Variants in ATP2B2 observed in about 807,000 individuals in gnomAD.
The protein encoded by ATP2B2 is plasma membrane calcium-transporting ATPase 2.
A neutral mutation model predicts 120.0 loss-of-function variants in ATP2B2; 15 were observed. The ratio of observed to expected loss-of-function variants is 0.12; its 90% confidence interval spans 0.08 to 0.19. The LOEUF (loss-of-function observed/expected upper bound fraction) is 0.19, where lower values mean the gene tolerates loss of function less well. Among genes scored for constraint, ATP2B2 ranks in the 10% least tolerant of loss-of-function variants. ATP2B2 has a pLI of 1.00. For synonymous variants in ATP2B2, 694 were observed against 700.3 expected (o/e 0.99, Z 0.14); for missense variants, 1,045 against 1,719.8 (o/e 0.61, Z 6.94).
intron 2 of ATP2B2, among the ~76,000 whole-genome samples, chr3:10,619,424 G>C (rs2069485201): frequency 6.6e-6 from 1 of 152,176 alleles, no homozygotes; most frequent in Admixed American, 6.5e-5. Flanking sequence ...TGACCTCAGG[G>C]AGATAGTAAT....
intron 1 of ATP2B2, among the ~76,000 whole-genome samples, chr3:10,485,532 G>A (rs777197418): frequency 1.3e-5 from 2 of 152,192 alleles, no homozygotes; most frequent in African/African-American, 2.4e-5. Flanking sequence ...CGCTCCCTCC[G>A]CTTCTCCCTG....
chr3:10,579,727 T>C (rs555840729), intron 2 of ATP2B2, among the ~76,000 whole-genome samples: 5 of 152,122 alleles, frequency 3.3e-5, no homozygotes, highest in Non-Finnish European at 5.9e-5. Flanking sequence ...GGAGAATCAC[T>C]TGAACCTGGC....
intron 12 of ATP2B2, among the ~76,000 whole-genome samples, chr3:10,370,421 C>T (rs1041195979): frequency 2.6e-5 from 4 of 152,162 alleles, no homozygotes; most frequent in African/African-American, 9.7e-5. Flanking sequence ...CCCTTGATTC[C>T]CAAATTGGGT....
intron 1 of ATP2B2, among the ~76,000 whole-genome samples, chr3:10,650,809 C>T (rs2070439829): frequency 2.0e-5 from 3 of 152,204 alleles, no homozygotes; most frequent in Admixed American, 2.0e-4. Context: ...AATGCCAGCC[C>T]CTGAAAGCAA....
chr3:10,692,288 T>C (rs773763228), intron 1 of ATP2B2, among the ~76,000 whole-genome samples: 33 of 152,214 alleles, frequency 2.2e-4, no homozygotes, highest in Non-Finnish European at 3.2e-4. Context: ...GAGCCTAAAA[T>C]AGCTGCTGTC....
chr3:10,526,513 G>A (rs1179921357), intron 3 of ATP2B2, among the ~76,000 whole-genome samples: 1 of 152,200 alleles, frequency 6.6e-6, no homozygotes, highest in African/African-American at 2.4e-5. Flanking sequence ...AGGGCTTTTA[G>A]AGGGGTGCTG....
chr3:10,688,502 A>T (rs2071578886), intron 1 of ATP2B2, among the ~76,000 whole-genome samples: 1 of 152,226 alleles, frequency 6.6e-6, no homozygotes, highest in Non-Finnish European at 1.5e-5. Context: ...ATCAGCAGGG[A>T]AACCAGCTAC....
At chr3:10,531,252 A>G (rs1362622933) in intron 3 of ATP2B2, among the ~76,000 whole-genome samples, 1 of 152,178 alleles carries the variant, frequency 6.6e-6, no homozygotes, top group Non-Finnish European at 1.5e-5. Context: ...AGTGCTGCTG[A>G]ATGTCCCATC....
intron 2 of ATP2B2, among the ~76,000 whole-genome samples, chr3:10,553,786 T>C (rs923485845): frequency 1.3e-5 from 2 of 152,290 alleles, no homozygotes; most frequent in Admixed American, 1.3e-4. Flanking sequence ...CCAAAGTTTC[T>C]GTTGGGTAAA....
intron 2 of ATP2B2, among the ~76,000 whole-genome samples, chr3:10,596,140 CTT>C (rs2068759135): frequency 6.6e-6 from 1 of 152,208 alleles, no homozygotes; most frequent in East Asian, 1.9e-4. Context: ...CAACCTTGCT[CTT>C]TATCCTTCCC....
chr3:10,378,301 G>A lies in ATP2B2; in HGVS notation c.1152C>T (p.Ser384=), dbSNP rs2061434251. ...KKASMHKKEK[S]VLQGKLTKLA... is the part of the protein sequence containing the mutation. The stretch of plus-strand genomic sequence containing the variant: ...GCTTGGTGAGCTTGCCCTGCAGCAC[G>A]GACTTCTCCTTCTTGTGCATGCTGG... The change falls in exon 10 of 23, where the codon TCC becomes TCT. Residue 384 remains serine (S), a synonymous_variant. Transcript: ENST00000360273. The A allele has an allele frequency of 2.5e-6, 4 of 1,609,728 alleles. No individual in the cohort carries two copies. The highest frequency in any genetic ancestry group is 3.4e-6 in the Non-Finnish European group (4 of 1,180,014).
intron 1 of ATP2B2, among the ~76,000 whole-genome samples, chr3:10,675,448 T>C (rs185041005): frequency 2.6e-5 from 4 of 152,350 alleles, no homozygotes; most frequent in Admixed American, 1.3e-4. Flanking sequence ...ATTATTGGTA[T>C]ATTATTTTCA....
chr3:10,645,835 T>C (rs114976327), intron 1 of ATP2B2, among the ~76,000 whole-genome samples: 366 of 152,344 alleles, frequency 2.4e-3, no homozygotes, highest in African/African-American at 8.3e-3. Flanking sequence ...GCCTCTTATG[T>C]GACCAGGAAA....
intron 12 of ATP2B2, 100 bp from the exon 13 acceptor site, chr3:10,360,223 C>A: frequency 6.7e-7 from 1 of 1,482,188 alleles, no homozygotes; most frequent in South Asian, 1.4e-5. Flanking sequence ...CTTAGGTGGT[C>A]TCTGGGCTGG....
intron 2 of ATP2B2, among the ~76,000 whole-genome samples, chr3:10,617,486 A>G (rs915175596): frequency 3.3e-5 from 5 of 152,254 alleles, no homozygotes; most frequent in Non-Finnish European, 5.9e-5. Flanking sequence ...GAAGGGAACG[A>G]AAGGAGGTGG....
chr3:10,533,107 G>C (rs2067244044), intron 3 of ATP2B2, among the ~76,000 whole-genome samples: 1 of 152,180 alleles, frequency 6.6e-6, no homozygotes, highest in African/African-American at 2.4e-5. Context: ...TGCACTCCAA[G>C]ATTTGTATAT....
intron 1 of ATP2B2, among the ~76,000 whole-genome samples, chr3:10,479,726 T>A (rs1349757791): frequency 6.6e-6 from 1 of 152,154 alleles, no homozygotes; most frequent in African/African-American, 2.4e-5. Flanking sequence ...GTCTAGCACA[T>A]AATAGATTAT....
At chr3:10,576,275 G>C (rs1015678339) in intron 2 of ATP2B2, among the ~76,000 whole-genome samples, 14 of 152,174 alleles carry the variant, frequency 9.2e-5, no homozygotes, top group Non-Finnish European at 2.1e-4. Context: ...GCATGAGCAT[G>C]CTTCTCCTGC....
intron 2 of ATP2B2, among the ~76,000 whole-genome samples, chr3:10,615,082 GGGCTGGTGGGATCAGA>G (rs2125614699): frequency 2.0e-5 from 3 of 152,288 alleles, no homozygotes; most frequent in African/African-American, 7.2e-5. Context: ...AGAGAACAGG[GGGCTGGTGGGATCAGA>G]GGCCAGAGGT....
Sources: gnomAD v4.1 joint callset for allele counts (sites outside exome capture counted in the v4.1 genomes callset) on GRCh38, gnomAD v4.1.1 for gene constraint, MANE v1.5 for transcripts, NCBI Gene and HGNC (gene_info 2026-07-23, HGNC 2026-07-21) for gene names.